Variants in SNX24 observed in about 807,000 individuals in gnomAD.
The protein encoded by SNX24 is sorting nexin 24.
A neutral mutation model predicts 28.7 loss-of-function variants in SNX24; 22 were observed. The observed-to-expected ratio is 0.77, with a 90% CI of 0.55 to 1.10. The LOEUF is 1.10. SNX24 is among the 50% of genes least tolerant of loss of function. The probability of loss-of-function intolerance (pLI) is 0.00; values close to 1 mark genes in which losing one functional copy is unlikely to be tolerated. For synonymous variants in SNX24, 69 were observed against 71.5 expected, an observed-to-expected ratio of 0.96 and a Z score of 0.18; for missense variants, 221 against 201.1, an observed-to-expected ratio of 1.10 and a Z score of -0.60.
intron 1 of SNX24, among the ~76,000 whole-genome samples, chr5:122,918,723 A>T (rs1758292037): frequency 1.3e-5 from 2 of 152,204 alleles, no homozygotes. Flanking sequence ...GATGGAAAGA[A>T]CAAAAAAAGA....
intron 1 of SNX24, among the ~76,000 whole-genome samples, chr5:122,903,305 T>C (rs1757515579): frequency 6.6e-6 from 1 of 152,018 alleles, no homozygotes; most frequent in Non-Finnish European, 1.5e-5. Flanking sequence ...GAGACAGGGT[T>C]TCTCCATGTT....
downstream of SNX24, among the ~76,000 whole-genome samples, chr5:123,009,369 A>G (rs1472930447): frequency 6.6e-6 from 1 of 152,228 alleles, no homozygotes; most frequent in African/African-American, 2.4e-5. Context: ...TATCTCATCT[A>G]TTAAGTCAGT....
rs1323696313 is a variant in SNX24 at position 122,946,095 on chromosome 5, A to G, written c.185A>G (p.His62Arg). 15 of 1,610,614 alleles carry G rather than the reference A, an allele frequency of 9.3e-6. No individual in the cohort carries two copies. The highest frequency in any genetic ancestry group is 5.5e-5 in the South Asian group (5 of 90,758). The change falls in exon 3 of 7, where the codon CAT (histidine) becomes CGT (arginine). Residue 62 changes from histidine to arginine, a missense_variant. Physicochemically the swap from His to Arg is conservative, Grantham distance 29. Transcript: ENST00000261369. Reference protein sequence around the residue: ...CIKTPEIPSKHVRNWVPKVLE... With the variant: ...CIKTPEIPSKRVRNWVPKVLE... ...AAAACTCCAGAAATCCCTTCTAAAC[A>G]TGTTAGGAACTGGGTCCCCAAAGTC...
chr5:122,994,703 C>T (rs1335410057), intron 3 of SNX24, among the ~76,000 whole-genome samples: 2 of 152,086 alleles, frequency 1.3e-5, no homozygotes, highest in African/African-American at 4.8e-5. Flanking sequence ...TGTTTTTCTG[C>T]CCCATGCAGG....
At chr5:122,932,780 AC>A (rs1013553727) in intron 1 of SNX24, among the ~76,000 whole-genome samples, 6 of 148,916 alleles carry the variant, frequency 4.0e-5, no homozygotes, top group African/African-American at 1.5e-4. Flanking sequence ...AATGGCGTGA[AC>A]CCAGGGGGCG....
At chr5:122,889,715 A>G (rs1463694684) in intron 1 of SNX24, among the ~76,000 whole-genome samples, 1 of 95,052 alleles carries the variant, frequency 1.1e-5, no homozygotes, top group Non-Finnish European at 1.9e-5. Context: ...ATATGTATAT[A>G]TATATGTATG....
intron 1 of SNX24, among the ~76,000 whole-genome samples, chr5:122,852,383 G>A (rs186300488): frequency 1.5e-4 from 23 of 150,654 alleles, no homozygotes; most frequent in African/African-American, 4.4e-4. Flanking sequence ...TCACTCTGTC[G>A]CCCAGGCTGA....
chr5:122,857,147 G>A (rs1755232017), intron 1 of SNX24, among the ~76,000 whole-genome samples: 1 of 151,972 alleles, frequency 6.6e-6, no homozygotes, highest in African/African-American at 2.4e-5. Context: ...AAGTAGCTGA[G>A]ATTACAGGTG....
intron 1 of SNX24, among the ~76,000 whole-genome samples, chr5:122,888,454 A>G (rs368818546): frequency 1.3e-5 from 2 of 152,180 alleles, no homozygotes; most frequent in African/African-American, 4.8e-5. Context: ...TCACCTATCA[A>G]ATGAGGATAA....
chr5:122,893,140 A>G (rs1757049417), intron 1 of SNX24, among the ~76,000 whole-genome samples: 1 of 150,278 alleles, frequency 6.7e-6, no homozygotes, highest in Non-Finnish European at 1.5e-5. Context: ...ACTCTCTTGT[A>G]TTTCTATAGA....
chr5:122,908,552 A>G (rs1013520117), intron 1 of SNX24, among the ~76,000 whole-genome samples: 1 of 152,264 alleles, frequency 6.6e-6, no homozygotes, highest in African/African-American at 2.4e-5. Context: ...GTGACTATAT[A>G]GACTGTATAA....
chr5:122,857,391 A>G (rs1224057970), intron 1 of SNX24, among the ~76,000 whole-genome samples: 1 of 151,112 alleles, frequency 6.6e-6, no homozygotes. Context: ...TCCCTTCATC[A>G]TTTATTTATT....
In SNX24 at chr5:123,008,231, C is replaced by T. The variant is rs555585149; in HGVS notation, c.*482C>T. ...ATTCTGAAATGCTGGCACCAGGAGA[C>T]GGCCACAGACACACACTGCTAAATG... On this transcript the variant is annotated 3_prime_UTR_variant, in exon 7 of 7. Coordinates refer to ENST00000261369, the MANE Select transcript of SNX24 (RefSeq NM_014035.4). The T allele has an allele frequency of 3.1e-5, 31 of 985,608 alleles. No individual in the cohort carries two copies. In the East Asian group the frequency reaches 5.7e-4, roughly 18 times the overall value. The allele number at this position is 985,608 out of a possible 1,614,324, so 61.1% of individuals were successfully genotyped here.
chr5:123,015,467 ATTCTT>A (rs1218965383), intron 5 of SNX24, among the ~76,000 whole-genome samples: 1 of 152,216 alleles, frequency 6.6e-6, no homozygotes, highest in Non-Finnish European at 1.5e-5. Flanking sequence ...TTAAATGTCT[ATTCTT>A]TTTACAAATA....
intron 1 of SNX24, among the ~76,000 whole-genome samples, chr5:122,878,391 G>A (rs1294631081): frequency 6.6e-6 from 1 of 152,152 alleles, no homozygotes; most frequent in African/African-American, 2.4e-5. Flanking sequence ...AGCTGGGAGA[G>A]AGTGAGGACC....
At chr5:123,010,022 TATG>T (rs907257580), downstream of SNX24, among the ~76,000 whole-genome samples, 5 of 152,200 alleles carry the variant, frequency 3.3e-5, no homozygotes, top group Admixed American at 2.6e-4. Flanking sequence ...GCGATCTCTC[TATG>T]AGGTGCGGCC....
At chr5:122,881,008 G>A (rs1161153936) in intron 1 of SNX24, among the ~76,000 whole-genome samples, 2 of 152,170 alleles carry the variant, frequency 1.3e-5, no homozygotes, top group Non-Finnish European at 2.9e-5. Context: ...CTCTTGGCCT[G>A]CGATTTGTCA....
intron 1 of SNX24, among the ~76,000 whole-genome samples, chr5:122,875,980 G>T (rs1756204333): frequency 6.6e-6 from 1 of 152,018 alleles, no homozygotes. Flanking sequence ...CTACAGCTGG[G>T]ATTACAGGTG....
At chr5:122,857,609 G>T (rs1044930580) in intron 1 of SNX24, among the ~76,000 whole-genome samples, 1 of 151,902 alleles carries the variant, frequency 6.6e-6, no homozygotes, top group African/African-American at 2.4e-5. Flanking sequence ...CCCTCTATGT[G>T]TCCATGTCTT....
Sources: allele counts gnomAD v4.1 joint callset (sites outside exome capture counted in the v4.1 genomes callset), GRCh38; gene constraint gnomAD v4.1.1; transcripts MANE v1.5; gene names NCBI Gene and HGNC (gene_info 2026-07-23, HGNC 2026-07-21).